SLC26A2: variants seen among roughly 807,000 people sequenced by gnomAD.
SLC26A2 encodes the protein sulfate transporter.
In SLC26A2, 36 loss-of-function variants were observed where a neutral mutation model predicts 41.1. That is an observed-to-expected ratio of 0.88 (90% confidence interval 0.67 to 1.16). The LOEUF is 1.16. Among genes scored for constraint, SLC26A2 ranks in the 50% most tolerant of loss-of-function variants. SLC26A2 has a pLI of 0.00. For synonymous variants in SLC26A2, 291 were observed against 311.6 expected (o/e 0.93, Z 0.70); for missense variants, 796 against 869.6 (o/e 0.92, Z 1.07).
Position 149,981,839 on chromosome 5 carries a change from T to G in SLC26A2, c.*26T>G. On this transcript the variant is annotated 3_prime_UTR_variant, in exon 3 of 3. Transcript: ENST00000286298. ...TTGAGAAGGTAGATAGAAGAATGTC[T>G]AGCCAATAGGTTAAAATTTCAAGTG... 5.2e-6 allele frequency: 8 copies of G among 1,548,782 alleles called. No individual in the cohort carries two copies. Among genetic ancestry groups the G allele is most frequent in the Non-Finnish European group, 7.1e-6 (8 of 1,124,064 alleles).
rs766836061 is a variant in SLC26A2 at position 149,981,300 on chromosome 5, C to T, written c.1707C>T (p.Tyr569=). ...AGGTCTTTGAATCTGTGTCTGCTTA[C>T]AAGAACCTTCAGATTAAGCCAGGCA... The part of the protein sequence containing the change: ...ESEVFESVSA[Y]KNLQIKPGIK... The change falls in exon 3 of 3, where the codon TAC becomes TAT. Residue 569 remains tyrosine, a synonymous_variant. Coordinates refer to ENST00000286298, the MANE Select transcript of SLC26A2 (RefSeq NM_000112.4). 1 of 1,614,148 alleles carries T rather than the reference C, an allele frequency of 6.2e-7. No individual in the cohort carries two copies. Among genetic ancestry groups the T allele is most frequent in the Non-Finnish European group, 8.5e-7 (1 of 1,180,012 alleles).
chr5:149,977,291 T>G (rs1755008540), intron 1 of SLC26A2, among the ~76,000 whole-genome samples: 1 of 152,034 alleles, frequency 6.6e-6, no homozygotes, highest in Non-Finnish European at 1.5e-5. Context: ...AGCATATGTA[T>G]GGAAAGGAGA....
chr5:149,966,874 C>T (rs757850959), intron 1 of SLC26A2, among the ~76,000 whole-genome samples: 4 of 152,166 alleles, frequency 2.6e-5, no homozygotes, highest in Admixed American at 6.5e-5. Context: ...TAAAACCTTG[C>T]TTAGATACTT....
intron 1 of SLC26A2, among the ~76,000 whole-genome samples, chr5:149,968,898 C>T (rs905886147): frequency 2.0e-5 from 3 of 151,624 alleles, no homozygotes; most frequent in Non-Finnish European, 4.4e-5. Context: ...TACACCACCA[C>T]ACCCAGCTAA....
rs1441762843 is a variant in SLC26A2 at position 149,963,673 on chromosome 5, C to A, written c.-26+2694C>A. ...CAGGTGATCCACCTGCCTTGGCCCC[C>A]CAAAGTGCTAGGATTACAGGCATGA... is the stretch of plus-strand genomic sequence containing the variant. On this transcript the variant is annotated intron_variant, in intron 1 of 2. Coordinates refer to ENST00000286298, the MANE Select transcript of SLC26A2 (RefSeq NM_000112.4). 2.6e-5 allele frequency among the ~76,000 whole-genome samples: 4 copies of A among 151,378 alleles called. No individual in the cohort carries two copies. In the South Asian group the frequency reaches 8.3e-4, roughly 32 times the overall value.
chr5:149,963,041 C>T (rs1392741458), intron 1 of SLC26A2, among the ~76,000 whole-genome samples: 4 of 151,984 alleles, frequency 2.6e-5, no homozygotes, highest in Admixed American at 6.6e-5. Flanking sequence ...GGGCTGGGCC[C>T]AGGAGGAAGA....
intron 1 of SLC26A2, among the ~76,000 whole-genome samples, chr5:149,961,569 C>T (rs1754705319): frequency 6.6e-6 from 1 of 152,168 alleles, no homozygotes; most frequent in Admixed American, 6.6e-5. Context: ...AGAGCTAGGA[C>T]TTGTACCCAG....
chr5:149,970,702 C>A (rs1375072086), intron 1 of SLC26A2, among the ~76,000 whole-genome samples: 1 of 152,154 alleles, frequency 6.6e-6, no homozygotes, highest in Non-Finnish European at 1.5e-5. Flanking sequence ...GTGTTCAGAT[C>A]TTGCAGGCTA....
chr5:149,964,067 C>G (rs183556301), intron 1 of SLC26A2, among the ~76,000 whole-genome samples: 50 of 152,230 alleles, frequency 3.3e-4, no homozygotes, highest in Middle Eastern at 3.4e-3. Flanking sequence ...GAAGCTTATA[C>G]CAATGTTTTT....
At chr5:149,970,375 G>T (rs549360256) in intron 1 of SLC26A2, among the ~76,000 whole-genome samples, 1 of 152,164 alleles carries the variant, frequency 6.6e-6, no homozygotes, top group Non-Finnish European at 1.5e-5. Context: ...GCCAGGTATC[G>T]TGGTGTGTAC....
intron 1 of SLC26A2, among the ~76,000 whole-genome samples, chr5:149,969,835 G>A (rs1003488185): frequency 1.3e-5 from 2 of 151,974 alleles, no homozygotes; most frequent in South Asian, 2.1e-4. Context: ...TTCTATTAAC[G>A]TTGCAGCTTC....
chr5:149,961,255 T>C lies in SLC26A2; in HGVS notation c.-26+276T>C, dbSNP rs144121628. 3.9e-5 allele frequency among the ~76,000 whole-genome samples: 6 copies of C among 152,156 alleles called. No homozygotes were observed. The East Asian group carries it at 1.2e-3, about 29-fold the overall frequency. On this transcript the variant is annotated intron_variant, in intron 1 of 2. Coordinates refer to ENST00000286298, the MANE Select transcript of SLC26A2 (RefSeq NM_000112.4). ...GCGTATCTCGCCGTATCTCGCCGGG[T>C]GCCACGCACTCCGCTGCTTTTCCAG...
rs1755200592 is a variant in SLC26A2 at position 149,986,401 on chromosome 5, T to C, written c.*4588T>C. ...CCAGCTGGTTTGTTATTATAGTCCG[T>C]GTATTAAAATACTATTGAAATACGT... On this transcript the variant is annotated 3_prime_UTR_variant, in exon 3 of 3. Coordinates refer to ENST00000286298, the MANE Select transcript of SLC26A2 (RefSeq NM_000112.4). 1 of 152,192 alleles carries C rather than the reference T, an allele frequency of 6.6e-6. No homozygotes were observed. Among genetic ancestry groups the C allele is most frequent in the Admixed American group, 6.5e-5 (1 of 15,284 alleles). 9.4% of individuals were successfully genotyped at this position (152,192 alleles called of 1,614,324 possible).
At position 149,980,597 on chromosome 5, in the gene SLC26A2, T is replaced by C. The variant is rs1245188795; in HGVS notation, c.1004T>C (p.Ile335Thr). The C allele has an allele frequency of 1.2e-6, 2 of 1,614,020 alleles. No individual in the cohort carries two copies. Among genetic ancestry groups the C allele is most frequent in the East Asian group, 2.2e-5 (1 of 44,902 alleles). The change falls in exon 3 of 3, where the codon ATT (isoleucine) becomes ACT (threonine). Residue 335 changes from isoleucine (I) to threonine (T), a missense_variant. Ile to Thr is a moderately conservative substitution (Grantham distance 89). Coordinates refer to ENST00000286298, the MANE Select transcript of SLC26A2 (RefSeq NM_000112.4). ...FKSKLKAPIP[I>T]ELVVVVAATL... ...TCCAAGCTTAAGGCACCGATTCCTA[T>C]TGAACTTGTTGTTGTTGTAGCAGCC... is the stretch of plus-strand genomic sequence containing the variant.
chr5:149,985,967 G>A lies in SLC26A2; in HGVS notation c.*4154G>A, dbSNP rs1755191543. 6.6e-6 allele frequency: 1 copy of A among 152,212 alleles called. No homozygotes were observed. The highest frequency in any genetic ancestry group is 1.5e-5 in the Non-Finnish European group (1 of 68,046). The allele number at this position is 152,212 out of a possible 1,614,324, so 9.4% of individuals were successfully genotyped here. On this transcript the variant is annotated 3_prime_UTR_variant, in exon 3 of 3. Coordinates refer to ENST00000286298, the MANE Select transcript of SLC26A2 (RefSeq NM_000112.4). ...CTGGTCTATTCAGGGAAAGATTTCA[G>A]TGTGAAATGGTAAACATCCAATTGA...
chr5:149,979,620 G>A (rs1755057720), intron 2 of SLC26A2, among the ~76,000 whole-genome samples: 1 of 152,022 alleles, frequency 6.6e-6, no homozygotes, highest in Admixed American at 6.6e-5. Flanking sequence ...TTAGACAGAG[G>A]AAAATATAAA....
chr5:149,981,927 A>G lies in SLC26A2; in HGVS notation c.*114A>G. ...CACTTGAAATTTTAACCAAGTGGCTAGATATTATTCCTCCTTTGAAGCTAA... is the reference window on the plus strand; with the variant it reads ...CACTTGAAATTTTAACCAAGTGGCTGGATATTATTCCTCCTTTGAAGCTAA... On this transcript the variant is annotated 3_prime_UTR_variant, in exon 3 of 3. Transcript: ENST00000286298. 1 of 717,058 alleles carries G rather than the reference A, an allele frequency of 1.4e-6. No homozygotes were observed. Among genetic ancestry groups the G allele is most frequent in the Non-Finnish European group, 2.3e-6 (1 of 426,164 alleles). The allele number at this position is 717,058 out of a possible 1,614,324, so 44.4% of individuals were successfully genotyped here.
intron 1 of SLC26A2, among the ~76,000 whole-genome samples, chr5:149,974,100 A>G (rs1279170053): frequency 6.6e-6 from 1 of 152,208 alleles, no homozygotes; most frequent in Non-Finnish European, 1.5e-5. Flanking sequence ...GGTGAGCCAT[A>G]ATTGCATGTC....
chr5:149,978,027 G>A lies in SLC26A2; in HGVS notation c.375G>A (p.Gln125=), dbSNP rs1467645258. The A allele has an allele frequency of 1.2e-6, 2 of 1,614,106 alleles. No individual in the cohort carries two copies. Among genetic ancestry groups the A allele is most frequent in the East Asian group, 2.2e-5 (1 of 44,886 alleles). Residue 125 remains glutamine (Q), a synonymous_variant, in exon 2 of 3, where the codon CAG becomes CAA. Transcript: ENST00000286298. ...GLIVGILLVP[Q]SIAYSLLAGQ... is the part of the protein sequence containing the mutation. ...TTGTGGGCATATTATTGGTGCCCCAGTCCATTGCTTATTCCCTGCTGGCTG... is the reference window on the plus strand; with the variant it reads ...TTGTGGGCATATTATTGGTGCCCCAATCCATTGCTTATTCCCTGCTGGCTG...
Sources: gnomAD v4.1 joint callset for allele counts (sites outside exome capture counted in the v4.1 genomes callset) on GRCh38, gnomAD v4.1.1 for gene constraint, MANE v1.5 for transcripts, NCBI Gene and HGNC (gene_info 2026-07-23, HGNC 2026-07-21) for gene names.